Variants in FARP1 observed in about 807,000 individuals in gnomAD.
FARP1 encodes the protein FERM, ARH/RhoGEF and pleckstrin domain protein 1.
Under a neutral mutation model 128.8 loss-of-function variants are expected in FARP1, and 52 were observed. That is an observed-to-expected ratio of 0.40 (90% CI 0.32 to 0.51). FARP1 has a LOEUF of 0.51. Ranked by LOEUF, FARP1 falls within the 20% of genes least tolerant of loss-of-function variation. FARP1 has a pLI of 0.45. For missense variants in FARP1, 1,333 were observed against 1,367.9 expected (o/e 0.97, Z 0.40); for synonymous variants, 580 against 551.8 (o/e 1.05, Z -0.72).
At chr13:98,256,991 A>G (rs1191637772) in intron 2 of FARP1, among the ~76,000 whole-genome samples, 4 of 119,714 alleles carry the variant, frequency 3.3e-5, no homozygotes, top group South Asian at 2.7e-4. Context: ...ATATATATAT[A>G]CCGAAAGATT....
chr13:98,194,748 C>T (rs1879466599), intron 1 of FARP1, among the ~76,000 whole-genome samples: 1 of 152,182 alleles, frequency 6.6e-6, no homozygotes, highest in Non-Finnish European at 1.5e-5. Context: ...TGGAACTTCT[C>T]TATATTCAGA....
chr13:98,332,718 G>A (rs756749521), intron 2 of FARP1: 1 of 152,172 alleles, frequency 6.6e-6, no homozygotes, highest in Admixed American at 6.5e-5. Context: ...TGTTAAAAAA[G>A]TAGTTTCTGT....
At chr13:98,313,287 TG>T (rs1191136178) in intron 2 of FARP1, among the ~76,000 whole-genome samples, 1 of 133,444 alleles carries the variant, frequency 7.5e-6, no homozygotes, top group Non-Finnish European at 1.6e-5. Flanking sequence ...TGGAATCGGG[TG>T]GGTCATAATC....
chr13:98,432,685 A>G (rs1286436338), intron 18 of FARP1: 1 of 152,250 alleles, frequency 6.6e-6, no homozygotes, highest in Non-Finnish European at 1.5e-5. Flanking sequence ...AACCTGGGTG[A>G]CGGCTGACTG....
intron 13 of FARP1, chr13:98,401,650 GT>G (rs1227009638): frequency 1.4e-5 from 2 of 146,702 alleles, no homozygotes. Context: ...ATAGCGTCTT[GT>G]TTTGAAAAAA....
chr13:98,371,323 C>G (rs1455146570), intron 5 of FARP1, among the ~76,000 whole-genome samples: 1 of 150,504 alleles, frequency 6.6e-6, no homozygotes, highest in Non-Finnish European at 1.5e-5. Flanking sequence ...ACCATTCTGG[C>G]CCTTGCTCTG....
At position 98,384,776 on chromosome 13, in the gene FARP1, A is replaced by T. The variant is rs746718945; in HGVS notation, c.543A>T (p.Ala181=). ...FDEALDREHL[A]KNKYIPQQDA... ...AAGCCTTGGACAGAGAGCACTTAGC[A>T]AAAAATAAATACATACCTCAGCAAG... The change falls in exon 7 of 27, where the codon GCA becomes GCT. Residue 181 remains alanine (A), a synonymous_variant. Coordinates refer to ENST00000319562, the MANE Select transcript of FARP1 (RefSeq NM_005766.4). 6.2e-7 allele frequency: 1 copy of T among 1,613,862 alleles called. No individual in the cohort carries two copies. The highest frequency in any genetic ancestry group is 8.5e-7 in the Non-Finnish European group (1 of 1,179,774).
rs140969961 is a variant in FARP1, at chr13:98,239,434, G to A, written c.171+26021G>A. On this transcript the variant is annotated intron_variant, in intron 2 of 26. Transcript: ENST00000319562. ...TACTGTTTTGCTTGATCAGCAGTGC[G>A]TTGACAAAGATGTTGTTTATATTTT... is the stretch of plus-strand genomic sequence containing the variant. Among the ~76,000 whole-genome samples the A allele has an allele frequency of 2.9e-3, 443 of 152,298 alleles. 6 individuals carry two copies. Among genetic ancestry groups the A allele is most frequent in the African/African-American group, 0.01 (428 of 41,560 alleles).
At chr13:98,337,715 T>G (rs1340462356) in intron 2 of FARP1, among the ~76,000 whole-genome samples, 1 of 152,206 alleles carries the variant, frequency 6.6e-6, no homozygotes, top group Non-Finnish European at 1.5e-5. Flanking sequence ...TTGACTTGTT[T>G]ACAGGTTTGG....
chr13:98,424,491 C>T (rs1594520198), intron 16 of FARP1, 81 bp from the exon 17 acceptor site: 6 of 864,690 alleles, frequency 6.9e-6, no homozygotes, highest in South Asian at 5.4e-5. Context: ...GGAAAGGAAG[C>T]GGTAGGCTGA....
intron 18 of FARP1, chr13:98,432,887 G>T: frequency 6.5e-6 from 1 of 152,888 alleles, no homozygotes; most frequent in Non-Finnish European, 1.5e-5. Context: ...CCTGGGCAGT[G>T]GCAACCCTGC....
In FARP1 at chr13:98,292,080, T is replaced by C. The variant is rs566395726; in HGVS notation, c.172-51682T>C. Among the ~76,000 whole-genome samples, 4 of 152,226 alleles carry C rather than the reference T, an allele frequency of 2.6e-5. 1 individual carries two copies. In the South Asian group the frequency reaches 8.3e-4, roughly 32 times the overall value. On this transcript the variant is annotated intron_variant, in intron 2 of 26. Transcript: ENST00000319562. ...AATTATCTTCCTCTGCAGGAGTTTT[T>C]CTGTTGACATTTCCTGCTCTTAACA...
chr13:98,281,301 C>T (rs1052179591), intron 2 of FARP1, among the ~76,000 whole-genome samples: 15 of 151,850 alleles, frequency 9.9e-5, no homozygotes, highest in African/African-American at 1.2e-4. Flanking sequence ...TGCAGTGAGC[C>T]GGTTGCAGTG....
intron 2 of FARP1, among the ~76,000 whole-genome samples, chr13:98,252,692 C>A (rs1324164397): frequency 6.6e-6 from 1 of 152,196 alleles, no homozygotes; most frequent in Non-Finnish European, 1.5e-5. Context: ...GTCTTTAATA[C>A]CCACCCACTT....
chr13:98,449,221 G>C lies in FARP1; in HGVS notation c.*904G>C, dbSNP rs917290451. ...TGGCTGCAGAGCACTATGAAATCAT[G>C]GTACGTAGTCCCCGGCACCTGTCGT... On this transcript the variant is annotated 3_prime_UTR_variant, in exon 27 of 27. Coordinates refer to ENST00000319562, the MANE Select transcript of FARP1 (RefSeq NM_005766.4). 2.6e-5 allele frequency: 4 copies of C among 152,214 alleles called. No individual in the cohort carries two copies. Among genetic ancestry groups the C allele is most frequent in the African/African-American group, 9.7e-5 (4 of 41,432 alleles). 9.4% of individuals were successfully genotyped at this position (152,214 alleles called of 1,614,324 possible).
At chr13:98,380,981 C>T (rs1407210280) in intron 6 of FARP1, among the ~76,000 whole-genome samples, 3 of 152,120 alleles carry the variant, frequency 2.0e-5, no homozygotes, top group East Asian at 1.9e-4. Flanking sequence ...AGTGGAGATT[C>T]GCTGACATCC....
At chr13:98,242,039 A>G (rs1476869324) in intron 2 of FARP1, among the ~76,000 whole-genome samples, 2 of 152,176 alleles carry the variant, frequency 1.3e-5, no homozygotes, top group African/African-American at 4.8e-5. Flanking sequence ...TGGGAGGTCC[A>G]TGGACAGGTC....
chr13:98,394,273 C>T (rs900636406), intron 12 of FARP1, among the ~76,000 whole-genome samples: 3 of 152,164 alleles, frequency 2.0e-5, no homozygotes, highest in African/African-American at 4.8e-5. Context: ...TCAGGGCTTT[C>T]TCTAAAAGAG....
intron 2 of FARP1, among the ~76,000 whole-genome samples, chr13:98,271,724 C>A (rs1481197007): frequency 6.6e-6 from 1 of 152,164 alleles, no homozygotes; most frequent in Non-Finnish European, 1.5e-5. Context: ...ATCCATGTCC[C>A]TGCAAAGGGC....
Sources: gnomAD v4.1 joint callset for allele counts (sites outside exome capture counted in the v4.1 genomes callset) on GRCh38, gnomAD v4.1.1 for gene constraint, MANE v1.5 for transcripts, NCBI Gene and HGNC (gene_info 2026-07-23, HGNC 2026-07-21) for gene names.